The following TFDP2 variants were observed in gnomAD, a reference collection of about 807,000 sequenced individuals.
TFDP2 encodes transcription factor Dp-2.
A neutral mutation model predicts 59.3 loss-of-function variants in TFDP2; 17 were observed. That is an observed-to-expected ratio of 0.29 (90% CI 0.20 to 0.43). The LOEUF (loss-of-function observed/expected upper bound fraction) is 0.43. Among genes scored for constraint, TFDP2 ranks in the 20% least tolerant of loss-of-function variants. The pLI is 1.00. For missense variants in TFDP2, 391 were observed against 528.8 expected (o/e 0.74, Z 2.56); for synonymous variants, 180 against 194.7 (o/e 0.92, Z 0.63).
chr3:142,025,318 C>G (rs1395147130), intron 3 of TFDP2, among the ~76,000 whole-genome samples: 1 of 152,142 alleles, frequency 6.6e-6, no homozygotes. Context: ...ACCACACATT[C>G]AATAATTCCA....
chr3:142,044,161 GA>G, intron 3 of TFDP2: 1 of 511,198 alleles, frequency 2.0e-6, no homozygotes, highest in Non-Finnish European at 3.6e-6. Flanking sequence ...GCAGAGGACA[GA>G]AGAGGCGAGC....
chr3:142,125,258 T>C (rs1327448401), intron 1 of TFDP2, among the ~76,000 whole-genome samples: 1 of 152,024 alleles, frequency 6.6e-6, no homozygotes, highest in Non-Finnish European at 1.5e-5. Flanking sequence ...TAAAAATACG[T>C]TCAGCCCACT....
chr3:142,050,273 AAAAT>A (rs1947548469), intron 3 of TFDP2, among the ~76,000 whole-genome samples: 1 of 150,896 alleles, frequency 6.6e-6, no homozygotes, highest in Non-Finnish European at 1.5e-5. Flanking sequence ...CAAAAAAAAA[AAAAT>A]AATAAAAAAA....
At chr3:142,079,728 G>C (rs2060573383) in intron 3 of TFDP2, among the ~76,000 whole-genome samples, 1 of 152,170 alleles carries the variant, frequency 6.6e-6, no homozygotes, top group Non-Finnish European at 1.5e-5. Context: ...TCCAGGAAGA[G>C]AGTGGCGTGA....
chr3:141,976,786 T>G (rs1940702674), intron 7 of TFDP2, among the ~76,000 whole-genome samples: 1 of 151,764 alleles, frequency 6.6e-6, no homozygotes, highest in Non-Finnish European at 1.5e-5. Flanking sequence ...TATAGACTTT[T>G]TTTTTCAAGT....
At chr3:142,026,811 A>G (rs1946130761) in intron 3 of TFDP2, among the ~76,000 whole-genome samples, 1 of 152,180 alleles carries the variant, frequency 6.6e-6, no homozygotes, top group Non-Finnish European at 1.5e-5. Flanking sequence ...CACACTCTTC[A>G]TTCCTACTCT....
rs979750379 is a variant in TFDP2, at chr3:142,058,575, C to T, written c.82+34486G>A. On this transcript the variant is annotated intron_variant, in intron 3 of 12. Coordinates refer to ENST00000489671, the MANE Select transcript of TFDP2 (RefSeq NM_001178139.2). ...ACCCCGCCTCAGATTTAATAATTTG[C>T]TAGAATGACACAGAACTCAGTATAG... Among the ~76,000 whole-genome samples, 3 of 152,058 alleles carry T rather than the reference C, an allele frequency of 2.0e-5. No individual in the cohort carries two copies. The South Asian group carries it at 6.2e-4, about 32-fold the overall frequency.
intron 1 of TFDP2, among the ~76,000 whole-genome samples, chr3:142,148,704 C>CA (rs1418237176): frequency 1.3e-5 from 2 of 152,224 alleles, no homozygotes; most frequent in East Asian, 3.9e-4. Context: ...AGTCTGGGCC[C>CA]AAAAAGCGAT....
chr3:142,092,807 G>C (rs1396726170), intron 3 of TFDP2, among the ~76,000 whole-genome samples: 1 of 152,132 alleles, frequency 6.6e-6, no homozygotes, highest in Non-Finnish European at 1.5e-5. Context: ...AAAGTGGTCT[G>C]AACAGTTTCA....
chr3:141,964,022 A>C, intron 9 of TFDP2, 59 bp from the exon 10 acceptor site: 1 of 1,499,674 alleles, frequency 6.7e-7, no homozygotes, highest in Non-Finnish European at 9.1e-7. Context: ...GGAATTTAAA[A>C]GAATTAAGAT....
intron 4 of TFDP2, among the ~76,000 whole-genome samples, chr3:141,998,612 C>T (rs184669555): frequency 6.6e-6 from 1 of 152,098 alleles, no homozygotes; most frequent in Admixed American, 6.5e-5. Context: ...GAGCGAGACT[C>T]TGTCAAAAAA....
At chr3:142,054,220 T>C (rs1436519416) in intron 3 of TFDP2, 2 of 152,312 alleles carry the variant, frequency 1.3e-5, no homozygotes, top group Non-Finnish European at 2.9e-5. Context: ...TTATTAATAA[T>C]GCTCCACAAG....
At chr3:142,034,220 A>G (rs111577670) in intron 3 of TFDP2, among the ~76,000 whole-genome samples, 10,942 of 150,012 alleles carry the variant, frequency 0.073, 504 homozygotes, top group Non-Finnish European at 0.11. Flanking sequence ...CTCAGCCTCC[A>G]GAGTAGCTGG....
At chr3:142,114,132 T>A (rs2061765163) in intron 1 of TFDP2, among the ~76,000 whole-genome samples, 1 of 149,762 alleles carries the variant, frequency 6.7e-6, no homozygotes, top group South Asian at 2.1e-4. Flanking sequence ...GCCACTGCAC[T>A]CCAGCCCGGG....
At chr3:142,028,576 T>C (rs1946264953) in intron 3 of TFDP2, 1 of 985,390 alleles carries the variant, frequency 1.0e-6, no homozygotes, top group South Asian at 4.7e-5. Flanking sequence ...TGATCTCTCT[T>C]ACCTGGTCTA....
At chr3:142,064,620 C>T (rs990714222) in intron 3 of TFDP2, among the ~76,000 whole-genome samples, 5 of 152,154 alleles carry the variant, frequency 3.3e-5, no homozygotes, top group African/African-American at 9.7e-5. Flanking sequence ...TACATGTCTG[C>T]AGTGTCAGTC....
intron 6 of TFDP2, among the ~76,000 whole-genome samples, chr3:141,987,944 A>AAAAAAAAAAAAAG (rs1473191768): frequency 2.6e-5 from 4 of 151,084 alleles, no homozygotes; most frequent in Admixed American, 6.6e-5. Flanking sequence ...GCCTCAAAAA[A>AAAAAAAAAAAAAG]AAAAGAAAAG....
intron 3 of TFDP2, among the ~76,000 whole-genome samples, 157 bp from the exon 4 acceptor site, chr3:142,005,701 A>G (rs1453632986): frequency 6.6e-6 from 1 of 152,198 alleles, no homozygotes; most frequent in Non-Finnish European, 1.5e-5. Context: ...GAAAAGTCAT[A>G]CTAATGACTG....
Position 142,121,783 on chromosome 3 carries a change from GAGGT to G in TFDP2, c.-92-19946_-92-19943del, listed in dbSNP as rs2062056140. ...GGATGCTGAGGCGGACGGAACACCT[GAGGT>G]CAGGAGTTCGAGACCAGCCTGACCA... On this transcript the variant is annotated intron_variant, in intron 1 of 12. Coordinates refer to ENST00000489671, the MANE Select transcript of TFDP2 (RefSeq NM_001178139.2). The surrounding 1 kb of genome is among the most constrained non-coding windows in gnomAD (Gnocchi z 4.3). Among the ~76,000 whole-genome samples, 1 of 152,000 alleles carries G rather than the reference GAGGT, an allele frequency of 6.6e-6. No homozygotes were observed. Among genetic ancestry groups the G allele is most frequent in the African/African-American group, 2.4e-5 (1 of 41,380 alleles).
Sources: allele counts gnomAD v4.1 joint callset (sites outside exome capture counted in the v4.1 genomes callset), GRCh38; gene constraint gnomAD v4.1.1; non-coding constraint Gnocchi (gnomAD v3.1); transcripts MANE v1.5; gene names NCBI Gene and HGNC (gene_info 2026-07-23, HGNC 2026-07-21).